Variants in LRMDA observed in about 807,000 individuals in gnomAD.
LRMDA encodes leucine-rich melanocyte differentiation-associated protein.
In LRMDA, 18 loss-of-function variants were observed where a neutral mutation model predicts 29.8. The ratio of observed to expected loss-of-function variants is 0.60; its 90% CI spans 0.42 to 0.90. The LOEUF is 0.90. LRMDA is among the 40% of genes least tolerant of loss of function. LRMDA has a pLI of 0.00. For synonymous variants in LRMDA, 125 were observed against 109.4 expected, an observed-to-expected ratio of 1.14 and a Z score of -0.89; for missense variants, 273 against 273.9, an observed-to-expected ratio of 1.00 and a Z score of 0.02.
intron 2 of LRMDA, among the ~76,000 whole-genome samples, chr10:75,554,338 C>T (rs1380702667): frequency 6.6e-6 from 1 of 152,106 alleles, no homozygotes; most frequent in Non-Finnish European, 1.5e-5. Context: ...ATGAAACAAA[C>T]AAGGAACATT....
chr10:75,499,160 A>C (rs1845083512), intron 2 of LRMDA, among the ~76,000 whole-genome samples: 1 of 152,136 alleles, frequency 6.6e-6, no homozygotes, highest in African/African-American at 2.4e-5. Flanking sequence ...TTGATGAAAG[A>C]GGTGCTGACG....
intron 2 of LRMDA, among the ~76,000 whole-genome samples, chr10:75,900,089 G>A (rs1005086300): frequency 4.6e-5 from 7 of 152,176 alleles, no homozygotes; most frequent in African/African-American, 1.7e-4. Flanking sequence ...TACCCAGGAA[G>A]TTTACAGTTG....
At chr10:76,105,982 G>A (rs555996665) in intron 5 of LRMDA, among the ~76,000 whole-genome samples, 3 of 152,166 alleles carry the variant, frequency 2.0e-5, no homozygotes, top group African/African-American at 7.2e-5. Context: ...CCTGACCTCA[G>A]GTAATCCACC....
intron 2 of LRMDA, among the ~76,000 whole-genome samples, chr10:75,549,134 G>A (rs1013867806): frequency 3.3e-5 from 5 of 152,062 alleles, no homozygotes; most frequent in African/African-American, 1.2e-4. Flanking sequence ...CCATGTGGTT[G>A]CATGTATTAC....
At chr10:75,855,132 G>A (rs1304471428) in intron 2 of LRMDA, among the ~76,000 whole-genome samples, 3 of 152,192 alleles carry the variant, frequency 2.0e-5, no homozygotes, top group African/African-American at 7.2e-5. Context: ...AGATCCCTGA[G>A]GAATCGCCAG....
At chr10:75,907,665 A>C (rs1305517692) in intron 2 of LRMDA, among the ~76,000 whole-genome samples, 2 of 152,138 alleles carry the variant, frequency 1.3e-5, no homozygotes, top group Admixed American at 1.3e-4. Context: ...GTTAATATCC[A>C]CACCTCCCAT....
chr10:76,038,681 A>C (rs1329578489), intron 3 of LRMDA, among the ~76,000 whole-genome samples: 1 of 152,180 alleles, frequency 6.6e-6, no homozygotes, highest in Non-Finnish European at 1.5e-5. Context: ...TTTCAGCTAA[A>C]TGACTCTCCT....
chr10:75,482,284 C>T (rs1294295284), intron 2 of LRMDA, among the ~76,000 whole-genome samples: 1 of 152,172 alleles, frequency 6.6e-6, no homozygotes, highest in Non-Finnish European at 1.5e-5. Flanking sequence ...TGAGACTGGA[C>T]CTCACCATGA....
rs773336517 is a variant in LRMDA at position 75,809,206 on chromosome 10, C to T, written c.132-226802C>T. ...ATCAGCCACCTTGCTGCCAGGTGGC[C>T]TCTGCATCTCACCTGTTGCACTCTT... On this transcript the variant is annotated intron_variant, in intron 2 of 6. Coordinates refer to ENST00000611255, the MANE Select transcript of LRMDA (RefSeq NM_001305581.2). Among the ~76,000 whole-genome samples the T allele has an allele frequency of 1.4e-4, 21 of 152,296 alleles. 1 individual carries two copies. Among genetic ancestry groups the T allele is most frequent in the Admixed American group, 2.6e-4 (4 of 15,304 alleles).
At chr10:76,024,022 G>A (rs1231987151) in intron 2 of LRMDA, among the ~76,000 whole-genome samples, 3 of 152,180 alleles carry the variant, frequency 2.0e-5, no homozygotes, top group Non-Finnish European at 2.9e-5. Flanking sequence ...CATTTTCCAA[G>A]TGTTATTTTT....
At chr10:76,166,687 T>C (rs566481500) in intron 5 of LRMDA, among the ~76,000 whole-genome samples, 3 of 152,394 alleles carry the variant, frequency 2.0e-5, no homozygotes, top group African/African-American at 7.2e-5. Flanking sequence ...CCATGGTATA[T>C]ATGTACCACA....
intron 2 of LRMDA, among the ~76,000 whole-genome samples, chr10:75,919,139 G>A (rs571660402): frequency 1.1e-4 from 16 of 152,292 alleles, no homozygotes; most frequent in Admixed American, 2.0e-4. Context: ...TGAATTGACT[G>A]AAGTCATAGA....
At chr10:76,147,010 G>T (rs1261631530) in intron 5 of LRMDA, among the ~76,000 whole-genome samples, 2 of 152,148 alleles carry the variant, frequency 1.3e-5, no homozygotes, top group African/African-American at 4.8e-5. Flanking sequence ...TTGAATATTG[G>T]TCCCCACTCT....
intron 2 of LRMDA, among the ~76,000 whole-genome samples, chr10:75,920,623 G>T (rs763048973): frequency 5.3e-5 from 8 of 152,144 alleles, no homozygotes; most frequent in Non-Finnish European, 1.2e-4. Context: ...ATAGCTGATT[G>T]TTATGGCAGA....
intron 2 of LRMDA, among the ~76,000 whole-genome samples, chr10:75,856,263 C>G (rs1004923821): frequency 1.3e-5 from 2 of 152,110 alleles, no homozygotes; most frequent in African/African-American, 4.8e-5. Flanking sequence ...TGTAGTTCTC[C>G]TTGAAGAGGT....
intron 5 of LRMDA, among the ~76,000 whole-genome samples, chr10:76,197,413 A>C (rs996882554): frequency 6.6e-6 from 1 of 152,188 alleles, no homozygotes; most frequent in Non-Finnish European, 1.5e-5. Context: ...GAATTGATTC[A>C]TACAAACTAG....
chr10:75,823,653 G>A (rs116659243), intron 2 of LRMDA, among the ~76,000 whole-genome samples: 2,009 of 151,058 alleles, frequency 0.013, 50 homozygotes, highest in African/African-American at 0.047. Flanking sequence ...ATCAACCTAA[G>A]TATCCATCAA....
At chr10:75,666,072 T>G (rs1169035629) in intron 2 of LRMDA, among the ~76,000 whole-genome samples, 1 of 152,160 alleles carries the variant, frequency 6.6e-6, no homozygotes, top group Non-Finnish European at 1.5e-5. Context: ...GAATTATGAT[T>G]TTACCTGATT....
intron 2 of LRMDA, among the ~76,000 whole-genome samples, chr10:75,768,411 G>A (rs1467427915): frequency 1.3e-5 from 2 of 152,190 alleles, no homozygotes; most frequent in Non-Finnish European, 2.9e-5. Flanking sequence ...ATGTTTATGG[G>A]TAAGGGAACT....
Sources: allele counts gnomAD v4.1 joint callset (sites outside exome capture counted in the v4.1 genomes callset), GRCh38; gene constraint gnomAD v4.1.1; transcripts MANE v1.5; gene names NCBI Gene and HGNC (gene_info 2026-07-23, HGNC 2026-07-21).